Variants in ATP9A observed in about 807,000 individuals in gnomAD.
ATP9A encodes the protein ATPase phospholipid transporting 9A, also known as probable phospholipid-transporting ATPase IIA.
In ATP9A, 52 loss-of-function variants were observed where a neutral mutation model predicts 144.1. The observed-to-expected ratio is 0.36, with a 90% CI of 0.29 to 0.45. The LOEUF is 0.45. ATP9A is among the 20% of genes least tolerant of loss of function. ATP9A has a pLI of 1.00. For missense variants in ATP9A, 947 were observed against 1,392.7 expected (o/e 0.68, Z 5.09); for synonymous variants, 582 against 557.4 (o/e 1.04, Z -0.62).
intron 4 of ATP9A, among the ~76,000 whole-genome samples, chr20:51,700,184 A>G (rs1201813570): frequency 2.6e-5 from 4 of 152,322 alleles, no homozygotes; most frequent in Non-Finnish European, 5.9e-5. Flanking sequence ...TTTGGTCAAT[A>G]CATTTACAGA....
intron 17 of ATP9A, among the ~76,000 whole-genome samples, chr20:51,626,031 G>GCCTC (rs1176874772): frequency 6.6e-6 from 1 of 152,156 alleles, no homozygotes; most frequent in African/African-American, 2.4e-5. Context: ...AGCGTGTCCC[G>GCCTC]CCTCCCTCCC....
At chr20:51,674,392 G>A (rs757387244) in intron 10 of ATP9A, 79 bp from the exon 11 acceptor site, 139 of 1,469,488 alleles carry the variant, frequency 9.5e-5, no homozygotes, top group African/African-American at 1.5e-4. Flanking sequence ...GGTGGAGGCT[G>A]CAGTGAGCTG....
At chr20:51,631,639 G>A (rs146501964) in intron 15 of ATP9A, among the ~76,000 whole-genome samples, 3 of 152,254 alleles carry the variant, frequency 2.0e-5, no homozygotes, top group East Asian at 3.9e-4. Flanking sequence ...GAGATCGGCC[G>A]GCTGTGTGGC....
Position 51,652,807 on chromosome 20 carries a change from T to TA in ATP9A, c.1506+4130dup, listed in dbSNP as rs369268216. Among the ~76,000 whole-genome samples the TA allele has an allele frequency of 6.9e-3, 1,025 of 148,408 alleles. 11 individuals are homozygous for TA. Among genetic ancestry groups the TA allele is most frequent in the African/African-American group, 0.018 (737 of 40,586 alleles). ...GTGCAATACAAAATAATAAAAGTTGTAAAAAAAAAACCACAGCAAGGCCAG... is the reference window on the plus strand; with the variant it reads ...GTGCAATACAAAATAATAAAAGTTGTAAAAAAAAAAACCACAGCAAGGCCAG... On this transcript the variant is annotated intron_variant, in intron 14 of 27. Coordinates refer to ENST00000338821, the MANE Select transcript of ATP9A (RefSeq NM_006045.3).
At chr20:51,617,042 G>A (rs6013233) in intron 22 of ATP9A, among the ~76,000 whole-genome samples, 75,641 of 150,676 alleles carry the variant, frequency 0.5, 19,164 homozygotes, top group African/African-American at 0.58. Flanking sequence ...CCCGGGTTCA[G>A]GCGATTCTCC....
Position 51,669,979 on chromosome 20 carries a change from T to C in ATP9A, c.1293+18A>G. 6.3e-7 allele frequency: 1 copy of C among 1,586,782 alleles called. No homozygotes were observed. The highest frequency in any genetic ancestry group is 8.6e-7 in the Non-Finnish European group (1 of 1,156,654). The stretch of plus-strand genomic sequence containing the variant: ...AAAGTCAAAGAATTGTTTTGGGTGT[T>C]GAAATGGAAGGCTTTACCTGGGTGT... On this transcript the variant is annotated intron_variant, in intron 13 of 27. Transcript: ENST00000338821.
At chr20:51,727,861 G>A (rs924081363) in intron 2 of ATP9A, among the ~76,000 whole-genome samples, 1 of 151,826 alleles carries the variant, frequency 6.6e-6, no homozygotes, top group Non-Finnish European at 1.5e-5. Context: ...AACCCGGGAG[G>A]TGGAGGTTGC....
At chr20:51,745,497 C>T (rs565597488) in intron 1 of ATP9A, among the ~76,000 whole-genome samples, 3 of 151,878 alleles carry the variant, frequency 2.0e-5, no homozygotes, top group East Asian at 3.9e-4. Context: ...AATAGCAGGG[C>T]GGGGGGATTT....
intron 1 of ATP9A, among the ~76,000 whole-genome samples, chr20:51,748,324 A>G (rs1878472563): frequency 6.6e-6 from 1 of 152,102 alleles, no homozygotes; most frequent in South Asian, 2.1e-4. Context: ...AGAAAGAAGG[A>G]GGTGGAGAAG....
At chr20:51,676,440 T>C (rs2077477601) in intron 9 of ATP9A, among the ~76,000 whole-genome samples, 1 of 151,910 alleles carries the variant, frequency 6.6e-6, no homozygotes, top group South Asian at 2.1e-4. Flanking sequence ...CCTCAATAAC[T>C]GGGATTATAG....
chr20:51,724,097 G>A (rs1256405224), intron 3 of ATP9A, among the ~76,000 whole-genome samples: 1 of 151,970 alleles, frequency 6.6e-6, no homozygotes, highest in Non-Finnish European at 1.5e-5. Flanking sequence ...CTTGGACCCA[G>A]GAGGCAGAGG....
intron 1 of ATP9A, among the ~76,000 whole-genome samples, chr20:51,744,924 G>A (rs2077801122): frequency 1.3e-5 from 2 of 152,152 alleles, no homozygotes; most frequent in Non-Finnish European, 2.9e-5. Flanking sequence ...GAGGTCAGGA[G>A]TTCGAGACCA....
intron 14 of ATP9A, among the ~76,000 whole-genome samples, chr20:51,642,981 G>C (rs1279110131): frequency 1.3e-5 from 2 of 152,044 alleles, no homozygotes; most frequent in African/African-American, 2.4e-5. Flanking sequence ...GCCCCCACAG[G>C]CCTCTGCAAA....
intron 14 of ATP9A, among the ~76,000 whole-genome samples, chr20:51,642,259 A>G (rs1261328623): frequency 6.6e-6 from 1 of 151,818 alleles, no homozygotes; most frequent in Non-Finnish European, 1.5e-5. Context: ...GGTTCAAGCA[A>G]TTCTCCTGCA....
At chr20:51,645,422 A>G (rs1194435068) in intron 14 of ATP9A, among the ~76,000 whole-genome samples, 1 of 152,202 alleles carries the variant, frequency 6.6e-6, no homozygotes, top group Non-Finnish European at 1.5e-5. Flanking sequence ...CGGGAGGCTG[A>G]GGCAGGAGAA....
intron 1 of ATP9A, among the ~76,000 whole-genome samples, chr20:51,764,840 G>T (rs1293334006): frequency 6.6e-6 from 1 of 151,948 alleles, no homozygotes; most frequent in Non-Finnish European, 1.5e-5. Flanking sequence ...TCCTGCCTCA[G>T]CCTCCCCAGT....
chr20:51,676,027 G>A, intron 10 of ATP9A, 105 bp downstream of exon 10: 2 of 801,090 alleles, frequency 2.5e-6, no homozygotes, highest in Non-Finnish European at 4.1e-6. Flanking sequence ...TAAAATGTCT[G>A]TATAAATATC....
intron 1 of ATP9A, among the ~76,000 whole-genome samples, chr20:51,763,827 A>G (rs892372795): frequency 3.9e-5 from 6 of 152,128 alleles, no homozygotes; most frequent in Non-Finnish European, 8.8e-5. Flanking sequence ...CAATGAGGCA[A>G]AGTCTTGGGC....
At chr20:51,612,140 A>T (rs1337281167) in intron 23 of ATP9A, among the ~76,000 whole-genome samples, 1 of 151,690 alleles carries the variant, frequency 6.6e-6, no homozygotes, top group Admixed American at 6.6e-5. Flanking sequence ...TCCGAGGGCA[A>T]GGAGGGTCTC....
Sources: gnomAD v4.1 joint callset for allele counts (sites outside exome capture counted in the v4.1 genomes callset) on GRCh38, gnomAD v4.1.1 for gene constraint, MANE v1.5 for transcripts, NCBI Gene and HGNC (gene_info 2026-07-23, HGNC 2026-07-21) for gene names.